Variants in BICRAL observed in about 807,000 individuals in gnomAD.
The protein encoded by BICRAL is BICRA like chromatin remodeling complex associated protein.
Under a neutral mutation model 91.8 loss-of-function variants are expected in BICRAL, and 8 were observed. The ratio of observed to expected loss-of-function variants is 0.09; its 90% CI spans 0.05 to 0.16. The LOEUF (loss-of-function observed/expected upper bound fraction) is 0.16, where lower values mean the gene tolerates loss of function less well. Ranked by LOEUF, BICRAL falls within the 10% of genes least tolerant of loss-of-function variation. The probability of loss-of-function intolerance (pLI) is 1.00; values close to 1 mark genes in which losing one functional copy is unlikely to be tolerated. For synonymous variants in BICRAL, 445 were observed against 491.1 expected (o/e 0.91, Z 1.24); for missense variants, 1,038 against 1,310.9 (o/e 0.79, Z 3.21).
intron 6 of BICRAL, among the ~76,000 whole-genome samples, chr6:42,832,578 CGTGT>C (rs59693040): frequency 0.011 from 1,503 of 142,702 alleles, 19 homozygotes; most frequent in African/African-American, 0.035. Context: ...ATCAAAGGGG[CGTGT>C]GTGTGTGTGT....
intron 6 of BICRAL, among the ~76,000 whole-genome samples, chr6:42,845,009 G>C (rs1764950533): frequency 6.6e-6 from 1 of 151,692 alleles, no homozygotes; most frequent in Admixed American, 6.6e-5. Flanking sequence ...CAAAAGAGCT[G>C]ACTAAAGGGA....
chr6:42,845,406 C>T (rs575645752), intron 6 of BICRAL, among the ~76,000 whole-genome samples: 2 of 151,308 alleles, frequency 1.3e-5, no homozygotes, highest in Admixed American at 6.6e-5. Flanking sequence ...CTGTGATTAC[C>T]ACAGTGCTGT....
At chr6:42,769,556 G>A (rs147934948) in intron 1 of BICRAL, among the ~76,000 whole-genome samples, 239 of 152,280 alleles carry the variant, frequency 1.6e-3, no homozygotes, top group African/African-American at 5.6e-3. Context: ...TGCCTACTGT[G>A]TGCCAAGTGC....
chr6:42,782,824 G>A (rs1392206218), intron 1 of BICRAL, among the ~76,000 whole-genome samples: 5 of 152,140 alleles, frequency 3.3e-5, no homozygotes, highest in Admixed American at 3.3e-4. Flanking sequence ...GGGGCAGGGA[G>A]GGCCTGGAGT....
chr6:42,854,057 T>G (rs1765272538), intron 8 of BICRAL, among the ~76,000 whole-genome samples: 2 of 152,234 alleles, frequency 1.3e-5, no homozygotes. Context: ...CTAGGTGATA[T>G]CGTTCACTAT....
At chr6:42,786,850 C>T (rs1763117295) in intron 1 of BICRAL, among the ~76,000 whole-genome samples, 2 of 152,080 alleles carry the variant, frequency 1.3e-5, no homozygotes, top group Admixed American at 1.3e-4. Context: ...GAAGGCTCCT[C>T]TGAGCAAGGG....
At chr6:42,850,274 C>G (rs937074780) in intron 6 of BICRAL, among the ~76,000 whole-genome samples, 13 of 152,046 alleles carry the variant, frequency 8.6e-5, no homozygotes, top group Non-Finnish European at 1.8e-4. Context: ...AATCCCAACA[C>G]TTTGGGAGAC....
At chr6:42,752,578 C>T (rs955898735) in intron 1 of BICRAL, among the ~76,000 whole-genome samples, 3 of 152,028 alleles carry the variant, frequency 2.0e-5, no homozygotes, top group Non-Finnish European at 4.4e-5. Context: ...TCCTGAGTAG[C>T]TGGGACTACA....
chr6:42,846,426 T>C (rs1582868655), intron 6 of BICRAL, among the ~76,000 whole-genome samples: 3 of 144,074 alleles, frequency 2.1e-5, no homozygotes, highest in Non-Finnish European at 4.5e-5. Context: ...TAAAGAGTTA[T>C]AGATTCCTAA....
intron 1 of BICRAL, among the ~76,000 whole-genome samples, chr6:42,758,741 G>T (rs546666685): frequency 1.7e-4 from 25 of 150,820 alleles, no homozygotes; most frequent in African/African-American, 6.1e-4. Flanking sequence ...AAAAAGAATT[G>T]AGTGGCATCT....
chr6:42,783,512 C>T (rs1763001252), intron 1 of BICRAL, among the ~76,000 whole-genome samples: 2 of 152,154 alleles, frequency 1.3e-5, no homozygotes, highest in African/African-American at 2.4e-5. Flanking sequence ...TCGGCGGGCG[C>T]CATCTTTCTC....
intron 1 of BICRAL, among the ~76,000 whole-genome samples, chr6:42,755,836 A>T (rs11754674): frequency 0.13 from 19,018 of 149,642 alleles, 1,427 homozygotes; most frequent in South Asian, 0.17. Context: ...CGCCCGGCTA[A>T]TTTTTTTTTT....
chr6:42,812,019 A>G lies in BICRAL; in HGVS notation c.-6+1618A>G, dbSNP rs190723442. Among the ~76,000 whole-genome samples the G allele has an allele frequency of 5.3e-5, 8 of 152,362 alleles. No homozygotes were observed. In the East Asian group the frequency reaches 1.5e-3, roughly 29 times the overall value. On this transcript the variant is annotated intron_variant, in intron 2 of 12. Coordinates refer to ENST00000314073, the MANE Select transcript of BICRAL (RefSeq NM_001393499.1). ...TTAACTGTGTCCTAGACAAAGCTCA[A>G]AAATATCCAACACCTGATAATGTAA...
chr6:42,760,287 G>A (rs57710193), intron 1 of BICRAL, among the ~76,000 whole-genome samples: 5,809 of 150,972 alleles, frequency 0.038, 356 homozygotes, highest in African/African-American at 0.13. Context: ...GGGAGGCCGA[G>A]GCACGCGGAT....
intron 11 of BICRAL, among the ~76,000 whole-genome samples, chr6:42,861,634 A>G (rs180978822): frequency 0.011 from 1,634 of 152,314 alleles, 6 homozygotes; most frequent in Non-Finnish European, 0.015. Flanking sequence ...TATATTATAC[A>G]CATATACAAC....
At position 42,845,195 on chromosome 6, in the gene BICRAL, G is replaced by GGTTTTTTTTTTTTTTTTTTTTTTTTTTT. The variant is rs1562490931; in HGVS notation, c.1840-6897_1840-6896insGTTTTTTTTTTTTTTTTTTTTTTTTTTT. Among the ~76,000 whole-genome samples, 4 of 25,568 alleles carry GGTTTTTTTTTTTTTTTTTTTTTTTTTTT rather than the reference G, an allele frequency of 1.6e-4. 1 individual carries two copies. The highest frequency in any genetic ancestry group is 1.7e-4 in the Non-Finnish European group (2 of 11,780). The allele number at this position is 25,568 out of a possible 152,430, so 16.8% of individuals were successfully genotyped here. A position where few individuals can be genotyped will look rare whatever the true frequency, so the allele number is the denominator to read the frequency against. ...CTTCTCTGTTTTTTGTTTTTTGGGTGTTTTTTTTTTTTTTTTTTTTTTTTT... is the reference window on the plus strand; with the variant it reads ...CTTCTCTGTTTTTTGTTTTTTGGGTGGTTTTTTTTTTTTTTTTTTTTTTTTTTTTTTTTTTTTTTTTTTTTTTTTTTTT... On this transcript the variant is annotated intron_variant, in intron 6 of 12. Coordinates refer to ENST00000314073, the MANE Select transcript of BICRAL (RefSeq NM_001393499.1).
rs529222824 is a variant in BICRAL, at chr6:42,784,945, C to G, written c.-102+2844C>G. Among the ~76,000 whole-genome samples, 4 of 152,266 alleles carry G rather than the reference C, an allele frequency of 2.6e-5. No homozygotes were observed. In the South Asian group the frequency reaches 8.3e-4, roughly 32 times the overall value. On this transcript the variant is annotated intron_variant, in intron 1 of 12. Transcript: ENST00000314073. ...CCAGGTGATTCCAGTGACACAGACA[C>G]ACGTTTGGACTGTCTTGTACTATGC...
intron 1 of BICRAL, among the ~76,000 whole-genome samples, chr6:42,792,300 T>C (rs1338552678): frequency 6.6e-6 from 1 of 152,170 alleles, no homozygotes. Flanking sequence ...TGAGACAGTA[T>C]CTTGGTCACC....
intron 1 of BICRAL, among the ~76,000 whole-genome samples, chr6:42,796,493 T>C (rs1291107902): frequency 6.6e-6 from 1 of 152,142 alleles, no homozygotes; most frequent in African/African-American, 2.4e-5. Context: ...GTCGAGCACA[T>C]AAAAGAATTT....
Sources: allele counts gnomAD v4.1 joint callset (sites outside exome capture counted in the v4.1 genomes callset), GRCh38; gene constraint gnomAD v4.1.1; transcripts MANE v1.5; gene names NCBI Gene and HGNC (gene_info 2026-07-23, HGNC 2026-07-21).